Variants in ATP10D observed in about 807,000 individuals in gnomAD.
ATP10D encodes ATPase phospholipid transporting 10D (putative).
A neutral mutation model predicts 144.8 loss-of-function variants in ATP10D; 89 were observed. That is an observed-to-expected ratio of 0.61 (90% CI 0.52 to 0.73). The LOEUF (loss-of-function observed/expected upper bound fraction) is 0.73, where lower values mean the gene tolerates loss of function less well. Among genes scored for constraint, ATP10D ranks in the 30% least tolerant of loss-of-function variants. ATP10D has a pLI of 0.00. For missense variants in ATP10D, 1,603 were observed against 1,714.8 expected (o/e 0.93, Z 1.15); for synonymous variants, 571 against 615.1 (o/e 0.93, Z 1.06).
chr4:47,513,149 C>T (rs1273920138), intron 2 of ATP10D, among the ~76,000 whole-genome samples: 1 of 152,192 alleles, frequency 6.6e-6, no homozygotes, highest in African/African-American at 2.4e-5. Flanking sequence ...GGTCTTCTTA[C>T]TCTTGCTTTA....
At chr4:47,572,725 C>CA in intron 17 of ATP10D, 147 bp from the exon 18 acceptor site, 1 of 947,158 alleles carries the variant, frequency 1.1e-6, no homozygotes, top group Non-Finnish European at 1.5e-6. Context: ...GCTCATAATC[C>CA]AAAAAACTGA....
intron 1 of ATP10D, among the ~76,000 whole-genome samples, chr4:47,486,313 C>T (rs899259992): frequency 6.6e-6 from 1 of 152,214 alleles, no homozygotes; most frequent in African/African-American, 2.4e-5. Context: ...CATGCTAGCT[C>T]AGGTTTTTAA....
At chr4:47,520,155 C>T (rs146680715) in intron 3 of ATP10D, among the ~76,000 whole-genome samples, 54 of 152,336 alleles carry the variant, frequency 3.5e-4, no homozygotes, top group African/African-American at 1.3e-3. Flanking sequence ...AAATCTGTCT[C>T]TCTTTGGGCC....
intron 1 of ATP10D, among the ~76,000 whole-genome samples, chr4:47,497,281 T>A (rs1245071773): frequency 6.6e-6 from 1 of 151,656 alleles, no homozygotes; most frequent in Non-Finnish European, 1.5e-5. Context: ...CGTGGAGAAA[T>A]CCCGTCTCTA....
At chr4:47,498,301 G>A (rs867477203) in intron 1 of ATP10D, among the ~76,000 whole-genome samples, 1 of 152,198 alleles carries the variant, frequency 6.6e-6, no homozygotes, top group Non-Finnish European at 1.5e-5. Context: ...ATTATTTGTT[G>A]TGAAGGATTG....
intron 20 of ATP10D, 125 bp from the exon 21 acceptor site, chr4:47,581,835 C>A: frequency 1.4e-6 from 1 of 699,788 alleles, no homozygotes; most frequent in Non-Finnish European, 2.5e-6. Context: ...AAGTTTATTT[C>A]ATATGGCCAG....
chr4:47,549,768 G>A (rs1011330000), intron 10 of ATP10D, among the ~76,000 whole-genome samples: 6 of 152,158 alleles, frequency 3.9e-5, no homozygotes, highest in South Asian at 2.1e-4. Flanking sequence ...AAGGCTGCCC[G>A]GAAGAGCTAC....
At chr4:47,536,138 G>T (rs1577658375) in intron 7 of ATP10D, 105 bp downstream of exon 7, 1 of 1,358,150 alleles carries the variant, frequency 7.4e-7, no homozygotes, top group Non-Finnish European at 1.0e-6. Flanking sequence ...GGTGGATTTT[G>T]TCAGTAGTGT....
intron 2 of ATP10D, among the ~76,000 whole-genome samples, chr4:47,513,522 AT>A (rs754932714): frequency 6.6e-6 from 1 of 152,248 alleles, no homozygotes; most frequent in Non-Finnish European, 1.5e-5. Context: ...GGGAAGTGAC[AT>A]TTGACTTAAT....
intron 10 of ATP10D, among the ~76,000 whole-genome samples, chr4:47,551,672 G>A (rs1718738466): frequency 6.6e-6 from 1 of 152,194 alleles, no homozygotes; most frequent in Admixed American, 6.5e-5. Flanking sequence ...CAGATTCTCT[G>A]GGGAGAGATT....
chr4:47,557,621 T>C (rs1223382356), intron 11 of ATP10D, 43 bp from the exon 12 acceptor site: 1 of 1,474,494 alleles, frequency 6.8e-7, no homozygotes, highest in Non-Finnish European at 9.0e-7. Flanking sequence ...TGTTAGAAAC[T>C]GCTTTTGACT....
intron 11 of ATP10D, among the ~76,000 whole-genome samples, chr4:47,556,045 C>T (rs1718978067): frequency 6.6e-6 from 1 of 152,132 alleles, no homozygotes; most frequent in Admixed American, 6.5e-5. Context: ...TGAGCCACCA[C>T]ACCTGACCAA....
At chr4:47,509,943 GGTGTGTGTGTGTGTGTGT>G (rs67386792) in intron 1 of ATP10D, among the ~76,000 whole-genome samples, 8 of 143,716 alleles carry the variant, frequency 5.6e-5, no homozygotes, top group East Asian at 2.0e-4. Context: ...TTGTTTCAGG[GGTGTGTGTGTGTGTGTGT>G]GTGTGTGTGT....
chr4:47,503,669 G>T (rs1179707434), intron 1 of ATP10D, among the ~76,000 whole-genome samples: 1 of 152,146 alleles, frequency 6.6e-6, no homozygotes, highest in Non-Finnish European at 1.5e-5. Flanking sequence ...GGCCAAGGTG[G>T]GAGGATTGCT....
chr4:47,486,002 T>C (rs1016753862), intron 1 of ATP10D, among the ~76,000 whole-genome samples: 3 of 152,156 alleles, frequency 2.0e-5, no homozygotes, highest in Admixed American at 6.5e-5. Flanking sequence ...GCCCAGCAGA[T>C]TGATTCCTTA....
At chr4:47,502,425 G>C (rs1053564911) in intron 1 of ATP10D, among the ~76,000 whole-genome samples, 11 of 151,646 alleles carry the variant, frequency 7.3e-5, no homozygotes, top group African/African-American at 2.4e-4. Context: ...AGCCGAGATA[G>C]CGCCACTGCA....
Position 47,581,988 on chromosome 4 carries a change from T to A in ATP10D, c.3677T>A (p.Phe1226Tyr), listed in dbSNP as rs1374190568. 6.2e-7 allele frequency: 1 copy of A among 1,614,052 alleles called. No individual in the cohort carries two copies. Among genetic ancestry groups the A allele is most frequent in the East Asian group, 2.2e-5 (1 of 44,872 alleles). Residue 1226 changes from phenylalanine (F) to tyrosine (Y), a missense_variant, in exon 21 of 23, where the codon TTT becomes TAT. Physicochemically the swap from Phe to Tyr is conservative, Grantham distance 22. Coordinates refer to ENST00000273859, the MANE Select transcript of ATP10D (RefSeq NM_020453.4). ...FTYQGSDTDI[F>Y]AFGNPLNTAA... Reference sequence around the variant, plus strand: ...TACCAGGGCTCAGATACTGACATCTTTGCATTTGGAAACCCCCTGAACACA... The same window carrying A: ...TACCAGGGCTCAGATACTGACATCTATGCATTTGGAAACCCCCTGAACACA...
In ATP10D at chr4:47,587,956, T is replaced by A. The variant is rs149534967; in HGVS notation, c.3941+750T>A. ...ATGGGAAAGTTGAGGGCAAGCAGCT[T>A]TGTTTTTATATTTTTGTTTGTTTGT... On this transcript the variant is annotated intron_variant, in intron 22 of 22. Coordinates refer to ENST00000273859, the MANE Select transcript of ATP10D (RefSeq NM_020453.4). 4.6e-5 allele frequency among the ~76,000 whole-genome samples: 7 copies of A among 151,604 alleles called. No homozygotes were observed. The East Asian group carries it at 1.4e-3, about 29-fold the overall frequency.
intron 1 of ATP10D, among the ~76,000 whole-genome samples, chr4:47,495,066 C>A (rs75618438): frequency 6.6e-6 from 1 of 152,148 alleles, no homozygotes; most frequent in Admixed American, 6.5e-5. Flanking sequence ...ATTAGCTTTG[C>A]AACATTTATA....
Sources: gnomAD v4.1 joint callset for allele counts (sites outside exome capture counted in the v4.1 genomes callset) on GRCh38, gnomAD v4.1.1 for gene constraint, MANE v1.5 for transcripts, NCBI Gene and HGNC (gene_info 2026-07-23, HGNC 2026-07-21) for gene names.